GALNTL6: variants seen among roughly 807,000 people sequenced by gnomAD.
The protein encoded by GALNTL6 is polypeptide N-acetylgalactosaminyltransferase like 6, also known as polypeptide N-acetylgalactosaminyltransferase-like 6.
Under a neutral mutation model 73.7 loss-of-function variants are expected in GALNTL6, and 46 were observed. The ratio of observed to expected loss-of-function variants is 0.62; its 90% CI spans 0.49 to 0.80. The LOEUF is 0.80. GALNTL6 is among the 30% of genes least tolerant of loss of function. The pLI is 0.00. For missense variants in GALNTL6, 604 were observed against 755.0 expected, an observed-to-expected ratio of 0.80 and a Z score of 2.34; for synonymous variants, 259 against 263.7, an observed-to-expected ratio of 0.98 and a Z score of 0.17.
Position 173,040,167 on chromosome 4 carries a change from C to T in GALNTL6, c.*67C>T, listed in dbSNP as rs1753847791. Reference sequence around the variant, plus strand: ...ATTAAATTTTAGCCAGCATCTGGGTCGAAGGAGTCAGGAATAACATTTCCT... The same window carrying T: ...ATTAAATTTTAGCCAGCATCTGGGTTGAAGGAGTCAGGAATAACATTTCCT... On this transcript the variant is annotated 3_prime_UTR_variant, in exon 13 of 13. Coordinates refer to ENST00000506823, the MANE Select transcript of GALNTL6 (RefSeq NM_001034845.3). The T allele has an allele frequency of 4.9e-6, 6 of 1,225,532 alleles. No individual in the cohort carries two copies. In the East Asian group the frequency reaches 7.3e-5, roughly 15 times the overall value. The allele number at this position is 1,225,532 out of a possible 1,614,324, so 75.9% of individuals were successfully genotyped here.
intron 5 of GALNTL6, among the ~76,000 whole-genome samples, chr4:172,439,842 G>T (rs908049939): frequency 6.6e-6 from 1 of 151,538 alleles, no homozygotes; most frequent in Non-Finnish European, 1.5e-5. Context: ...TATACCCTTT[G>T]CCCAGTTGGT....
intron 2 of GALNTL6, among the ~76,000 whole-genome samples, chr4:171,926,490 T>C (rs111651859): frequency 1.3e-5 from 2 of 152,118 alleles, no homozygotes; most frequent in Non-Finnish European, 2.9e-5. Flanking sequence ...GAATTCCAAC[T>C]GCTACTTATG....
At chr4:171,905,632 A>AGG (rs2110951556) in intron 2 of GALNTL6, among the ~76,000 whole-genome samples, 1 of 150,268 alleles carries the variant, frequency 6.7e-6, no homozygotes, top group African/African-American at 2.5e-5. Flanking sequence ...TCAGCTCTGC[A>AGG]CCAAGTGGAC....
chr4:172,246,205 C>T (rs924265053), intron 3 of GALNTL6, among the ~76,000 whole-genome samples: 8 of 151,932 alleles, frequency 5.3e-5, no homozygotes, highest in Non-Finnish European at 1.0e-4. Context: ...GCGTTTCGTT[C>T]GATAATGATT....
intron 2 of GALNTL6, among the ~76,000 whole-genome samples, chr4:172,156,551 A>ACTATATATATATATATATATATATAG (rs1355487634): frequency 1.5e-5 from 2 of 134,618 alleles, no homozygotes; most frequent in Non-Finnish European, 3.1e-5. Flanking sequence ...ATATATATAT[A>ACTATATATATATATATATATATATAG]TATATATATA....
intron 5 of GALNTL6, among the ~76,000 whole-genome samples, chr4:172,527,344 T>C (rs1180850216): frequency 6.6e-6 from 1 of 152,186 alleles, no homozygotes; most frequent in Non-Finnish European, 1.5e-5. Flanking sequence ...GAAAAGAGAA[T>C]TGCTGATTGC....
At chr4:172,233,140 G>A (rs1193583675) in intron 3 of GALNTL6, among the ~76,000 whole-genome samples, 1 of 151,312 alleles carries the variant, frequency 6.6e-6, no homozygotes, top group Non-Finnish European at 1.5e-5. Flanking sequence ...TGGCAGCAGA[G>A]GGAGGATCGC....
At chr4:172,543,433 T>G (rs1469979139) in intron 5 of GALNTL6, among the ~76,000 whole-genome samples, 1 of 152,230 alleles carries the variant, frequency 6.6e-6, no homozygotes. Context: ...TGTGCGCCCA[T>G]GCAAACTGGA....
intron 2 of GALNTL6, among the ~76,000 whole-genome samples, chr4:171,940,172 A>G (rs1738485827): frequency 1.4e-5 from 2 of 139,978 alleles, no homozygotes; most frequent in Admixed American, 1.6e-4. Flanking sequence ...GTTTGATAAC[A>G]TATCTCATTA....
intron 10 of GALNTL6, among the ~76,000 whole-genome samples, chr4:172,971,941 T>A (rs1448659945): frequency 6.6e-6 from 1 of 152,100 alleles, no homozygotes; most frequent in Non-Finnish European, 1.5e-5. Flanking sequence ...ATATGAGACA[T>A]ACCTAAGTCA....
At chr4:172,970,270 G>C (rs1266424554) in intron 10 of GALNTL6, among the ~76,000 whole-genome samples, 1 of 152,190 alleles carries the variant, frequency 6.6e-6, no homozygotes, top group Non-Finnish European at 1.5e-5. Context: ...TTAAACAACA[G>C]AAAACAGGGT....
At chr4:172,374,962 A>G (rs1002504416) in intron 5 of GALNTL6, among the ~76,000 whole-genome samples, 9 of 152,172 alleles carry the variant, frequency 5.9e-5, no homozygotes, top group South Asian at 2.1e-4. Context: ...AGAAGGGGAC[A>G]TGTACCTGGG....
intron 5 of GALNTL6, among the ~76,000 whole-genome samples, chr4:172,697,858 A>G (rs867466153): frequency 1.3e-5 from 2 of 152,198 alleles, no homozygotes; most frequent in South Asian, 2.1e-4. Context: ...GAGAACAATT[A>G]TAACATGTTT....
chr4:172,348,142 A>G lies in GALNTL6; in HGVS notation c.387-381A>G, dbSNP rs758531340. 3.9e-5 allele frequency among the ~76,000 whole-genome samples: 6 copies of G among 152,358 alleles called. No homozygotes were observed. In the East Asian group the frequency reaches 1.2e-3, roughly 29 times the overall value. On this transcript the variant is annotated intron_variant, in intron 4 of 12. Coordinates refer to ENST00000506823, the MANE Select transcript of GALNTL6 (RefSeq NM_001034845.3). ...AATATTACAGAAGTTAAATTTTTAG[A>G]TATCTTCAGGAAGTCCATCTAAACC... is the stretch of plus-strand genomic sequence containing the variant.
chr4:172,885,457 T>G (rs1370725240), intron 8 of GALNTL6, among the ~76,000 whole-genome samples: 1 of 152,194 alleles, frequency 6.6e-6, no homozygotes, highest in African/African-American at 2.4e-5. Context: ...CCAGGAACTT[T>G]TGGTGGAGTC....
At chr4:172,024,568 A>G (rs1338646219) in intron 2 of GALNTL6, among the ~76,000 whole-genome samples, 1 of 151,956 alleles carries the variant, frequency 6.6e-6, no homozygotes, top group Non-Finnish European at 1.5e-5. Flanking sequence ...TTCCCAATAT[A>G]TGACAAAAGG....
intron 2 of GALNTL6, among the ~76,000 whole-genome samples, chr4:171,899,466 C>T (rs1007963183): frequency 6.6e-6 from 1 of 152,008 alleles, no homozygotes; most frequent in African/African-American, 2.4e-5. Flanking sequence ...GGGCTCTTGC[C>T]ATTTTCCTAG....
chr4:171,951,870 G>T (rs1384292644), intron 2 of GALNTL6, among the ~76,000 whole-genome samples: 1 of 151,996 alleles, frequency 6.6e-6, no homozygotes, highest in Non-Finnish European at 1.5e-5. Flanking sequence ...TAATTTAGAA[G>T]CTAGTTTGTA....
chr4:172,435,492 G>T (rs2111390811), intron 5 of GALNTL6, among the ~76,000 whole-genome samples: 1 of 152,210 alleles, frequency 6.6e-6, no homozygotes, highest in East Asian at 1.9e-4. Context: ...GCGTTACAGA[G>T]AAAATGGGAG....
Sources: allele counts gnomAD v4.1 joint callset (sites outside exome capture counted in the v4.1 genomes callset), GRCh38; gene constraint gnomAD v4.1.1; transcripts MANE v1.5; gene names NCBI Gene and HGNC (gene_info 2026-07-23, HGNC 2026-07-21).